Variants in SSH2 observed in about 807,000 individuals in gnomAD.
SSH2 encodes slingshot protein phosphatase 2.
SSH2 carries 37 observed loss-of-function variants against 135.2 expected under a neutral mutation model. That is an observed-to-expected ratio of 0.27 (90% CI 0.21 to 0.36). SSH2 has a LOEUF of 0.36. SSH2 is among the 10% of genes least tolerant of loss of function. The pLI, the probability that SSH2 is intolerant of heterozygous loss-of-function variation, is 1.00. For synonymous variants in SSH2, 628 were observed against 646.2 expected, an observed-to-expected ratio of 0.97 and a Z score of 0.43; for missense variants, 1,408 against 1,765.3, an observed-to-expected ratio of 0.80 and a Z score of 3.63.
At chr17:29,742,892 C>A (rs978948569) in intron 3 of SSH2, among the ~76,000 whole-genome samples, 1 of 152,064 alleles carries the variant, frequency 6.6e-6, no homozygotes, top group African/African-American at 2.4e-5. Context: ...ACCTCAGCCT[C>A]CCAAAGTTCT....
chr17:29,733,265 A>C (rs2040257975), intron 3 of SSH2, among the ~76,000 whole-genome samples: 1 of 152,252 alleles, frequency 6.6e-6, no homozygotes, highest in Non-Finnish European at 1.5e-5. Flanking sequence ...ATTGTGTTGA[A>C]GTGAGTCAGG....
intron 4 of SSH2, among the ~76,000 whole-genome samples, chr17:29,698,841 A>G (rs1442446299): frequency 6.6e-6 from 1 of 152,318 alleles, no homozygotes; most frequent in South Asian, 2.1e-4. Flanking sequence ...ACCAGTAGAA[A>G]TAACCAGAGG....
chr17:29,813,907 G>A (rs370800452), intron 2 of SSH2, among the ~76,000 whole-genome samples: 2 of 150,922 alleles, frequency 1.3e-5, no homozygotes, highest in African/African-American at 2.4e-5. Flanking sequence ...CGAGGAGGGC[G>A]GATCACCAGG....
Position 29,761,419 on chromosome 17 carries a change from G to T in SSH2, c.188+32475C>A, listed in dbSNP as rs2041299879. ...GCCGCCGAAGCCCCAGGGCTCGGCG[G>T]TAGAGTCCGGACTGACGGGCGTCGC... is the stretch of plus-strand genomic sequence containing the variant. On this transcript the variant is annotated intron_variant, in intron 3 of 15. Coordinates refer to ENST00000540801, the MANE Select transcript of SSH2 (RefSeq NM_001282129.2). 9.6e-6 allele frequency: 10 copies of T among 1,046,834 alleles called. No homozygotes were observed. In the South Asian group the frequency reaches 2.8e-4, roughly 29 times the overall value. 64.8% of individuals were successfully genotyped at this position (1,046,834 alleles called of 1,614,324 possible).
At chr17:29,888,293 AC>A (rs1278783823) in intron 1 of SSH2, among the ~76,000 whole-genome samples, 1 of 152,168 alleles carries the variant, frequency 6.6e-6, no homozygotes, top group Non-Finnish European at 1.5e-5. Flanking sequence ...ACTTGACTCT[AC>A]CATGGAAACT....
chr17:29,769,884 CA>C (rs960865650), intron 3 of SSH2, among the ~76,000 whole-genome samples: 106 of 152,068 alleles, frequency 7.0e-4, no homozygotes, highest in African/African-American at 2.5e-3. Flanking sequence ...ATAACTTTTA[CA>C]CTAATTCCCT....
At chr17:29,855,454 G>A (rs975297301) in intron 1 of SSH2, among the ~76,000 whole-genome samples, 2 of 152,118 alleles carry the variant, frequency 1.3e-5, no homozygotes, top group South Asian at 2.1e-4. Context: ...GCAGTGAGCC[G>A]AGATCACGCC....
intron 1 of SSH2, among the ~76,000 whole-genome samples, chr17:29,898,128 A>C (rs1181259713): frequency 6.6e-6 from 1 of 152,214 alleles, no homozygotes; most frequent in Non-Finnish European, 1.5e-5. Flanking sequence ...TATTTAAAGC[A>C]GTGTGTAGAG....
intron 1 of SSH2, among the ~76,000 whole-genome samples, chr17:29,856,819 C>T (rs1599099796): frequency 2.0e-5 from 3 of 151,842 alleles, no homozygotes; most frequent in Middle Eastern, 3.4e-3. Context: ...CCAAAATACA[C>T]AAATGAAAGC....
chr17:29,713,292 G>A (rs1432484189), intron 3 of SSH2, among the ~76,000 whole-genome samples: 3 of 152,176 alleles, frequency 2.0e-5, no homozygotes, highest in East Asian at 1.9e-4. Flanking sequence ...CCGAGATCGC[G>A]CCACTGCACT....
intron 4 of SSH2, among the ~76,000 whole-genome samples, chr17:29,695,797 T>C (rs1054503410): frequency 6.6e-6 from 1 of 152,176 alleles, no homozygotes; most frequent in Non-Finnish European, 1.5e-5. Context: ...TTTTGTATTA[T>C]GGTGGATGTT....
chr17:29,849,858 A>AAG (rs1484030250), intron 1 of SSH2, among the ~76,000 whole-genome samples: 4 of 76,778 alleles, frequency 5.2e-5, no homozygotes, highest in African/African-American at 2.7e-4. Context: ...AAAAAAAAGT[A>AAG]TATATATATA....
At chr17:29,893,211 G>C (rs895830679) in intron 1 of SSH2, among the ~76,000 whole-genome samples, 2 of 151,214 alleles carry the variant, frequency 1.3e-5, no homozygotes, top group African/African-American at 4.9e-5. Context: ...TCTTTGCTTA[G>C]AGTCTGTGAT....
intron 2 of SSH2, among the ~76,000 whole-genome samples, chr17:29,823,097 G>A (rs1004829869): frequency 3.3e-5 from 5 of 152,114 alleles, no homozygotes; most frequent in Admixed American, 6.5e-5. Flanking sequence ...CTATATAGAT[G>A]AAAGGCAGTA....
intron 1 of SSH2, among the ~76,000 whole-genome samples, chr17:29,850,658 C>G (rs2065537973): frequency 6.6e-6 from 1 of 152,192 alleles, no homozygotes; most frequent in African/African-American, 2.4e-5. Context: ...CTCTCTTCCT[C>G]TTTTAGAAAA....
At chr17:29,850,236 A>C (rs1004470755) in intron 1 of SSH2, among the ~76,000 whole-genome samples, 12 of 152,148 alleles carry the variant, frequency 7.9e-5, no homozygotes, top group African/African-American at 2.9e-4. Flanking sequence ...AACAACTCAA[A>C]AAAGGGAACA....
intron 3 of SSH2, among the ~76,000 whole-genome samples, chr17:29,783,464 C>T (rs1218154893): frequency 6.6e-6 from 1 of 151,688 alleles, no homozygotes; most frequent in Admixed American, 6.6e-5. Context: ...ACTTGCAGTC[C>T]AATGTTTGAG....
At chr17:29,827,575 A>AG (rs964863746) in intron 2 of SSH2, among the ~76,000 whole-genome samples, 21 of 152,324 alleles carry the variant, frequency 1.4e-4, no homozygotes, top group African/African-American at 5.1e-4. Context: ...AGCAATAAAA[A>AG]TAAATTTGGT....
chr17:29,881,492 CTCTCTT>C (rs1382004387), intron 1 of SSH2, among the ~76,000 whole-genome samples: 1 of 151,744 alleles, frequency 6.6e-6, no homozygotes. Context: ...TCTTTTCTCT[CTCTCTT>C]TCTCTTTCTT....
Sources: gnomAD v4.1 joint callset for allele counts (sites outside exome capture counted in the v4.1 genomes callset) on GRCh38, gnomAD v4.1.1 for gene constraint, MANE v1.5 for transcripts, NCBI Gene and HGNC (gene_info 2026-07-23, HGNC 2026-07-21) for gene names.